TRNT1: variants seen among roughly 807,000 people sequenced by gnomAD.
The protein encoded by TRNT1 is tRNA nucleotidyl transferase 1.
In TRNT1, 44 loss-of-function variants were observed where a neutral mutation model predicts 45.6. The ratio of observed to expected loss-of-function variants is 0.97; its 90% CI spans 0.76 to 1.24. The LOEUF (loss-of-function observed/expected upper bound fraction) is 1.24. Among genes scored for constraint, TRNT1 ranks in the 50% most tolerant of loss-of-function variants. The pLI is 0.00. For missense variants in TRNT1, 633 were observed against 504.4 expected, an observed-to-expected ratio of 1.25 and a Z score of -2.44; for synonymous variants, 201 against 171.4, an observed-to-expected ratio of 1.17 and a Z score of -1.35.
rs184909343 is a variant in TRNT1 at position 3,133,008 on chromosome 3, T to A, written c.148+3820T>A. The stretch of plus-strand genomic sequence containing the variant: ...TGCCCTGGTAAAATGTAATGTTCTG[T>A]ATAAAATCAAAATGTACAAAAACAC... On this transcript the variant is annotated intron_variant, in intron 2 of 7. Coordinates refer to ENST00000251607, the MANE Select transcript of TRNT1 (RefSeq NM_182916.3). Among the ~76,000 whole-genome samples the A allele has an allele frequency of 6.1e-4, 93 of 152,306 alleles. 2 individuals carry two copies. In the East Asian group the frequency reaches 0.017, roughly 28 times the overall value.
intron 4 of TRNT1, among the ~76,000 whole-genome samples, chr3:3,143,113 G>GT (rs1705759492): frequency 6.6e-6 from 1 of 152,180 alleles, no homozygotes. Context: ...ACAGAGTGAA[G>GT]TATCTCATAG....
In TRNT1 at chr3:3,147,503, G is replaced by A; in HGVS notation, c.856G>A (p.Asp286Asn). 1 of 1,613,822 alleles carries A rather than the reference G, an allele frequency of 6.2e-7. No homozygotes were observed. ...ATTTGACAAAGTCAGTAAAAATGTT[G>A]ATGGTTTTTCACCAAAGCCAGTGAC... ...EEFDKVSKNV[D>N]GFSPKPVTLL... The change falls in exon 7 of 8, where the codon GAT becomes AAT. Residue 286 changes from aspartate (D) to asparagine (N), a missense_variant. Physicochemically the swap from Asp to Asn is conservative, Grantham distance 23. Transcript: ENST00000251607.
downstream of TRNT1, chr3:3,153,154 AGATT>A (rs1575080228): frequency 2.4e-6 from 1 of 415,226 alleles, no homozygotes; most frequent in Admixed American, 3.9e-5. Flanking sequence ...TCTAATATAT[AGATT>A]GTCAACAAGA....
rs116332959 is a variant in TRNT1, at chr3:3,142,623, C to G, written c.482-1961C>G. Among the ~76,000 whole-genome samples, 494 of 152,226 alleles carry G rather than the reference C, an allele frequency of 3.2e-3. 1 individual carries two copies. Among genetic ancestry groups the G allele is most frequent in the African/African-American group, 0.011 (460 of 41,544 alleles). ...TTTTCTATCCTGGCTTTTTCCAAGC[C>G]TTATTGGATCAAGCATTCATAGTTC... On this transcript the variant is annotated intron_variant, in intron 4 of 7. Coordinates refer to ENST00000251607, the MANE Select transcript of TRNT1 (RefSeq NM_182916.3).
At position 3,146,606 on chromosome 3, in the gene TRNT1, A is replaced by G; in HGVS notation, c.785A>G (p.Asp262Gly). ...NHLIHLIYDLDVAPYIGLPAN... is the reference protein window; with the variant it reads ...NHLIHLIYDLGVAPYIGLPAN... ...TTGATTCACCTTATCTATGATCTTG[A>G]TGTGGCTCCTTATATAGGTGAGAGC... is the stretch of plus-strand genomic sequence containing the variant. Residue 262 changes from aspartate to glycine, a missense_variant, in exon 6 of 8, where the codon GAT becomes GGT. Transcript: ENST00000251607. 6.2e-7 allele frequency: 1 copy of G among 1,612,060 alleles called. No homozygotes were observed. Among genetic ancestry groups the G allele is most frequent in the East Asian group, 2.2e-5 (1 of 44,780 alleles).
chr3:3,134,603 TAAGTTC>T (rs1705212046), intron 2 of TRNT1, among the ~76,000 whole-genome samples: 1 of 152,200 alleles, frequency 6.6e-6, no homozygotes, highest in South Asian at 2.1e-4. Context: ...CTGTTTATAG[TAAGTTC>T]AAGTGAACGT....
At chr3:3,151,028 G>C (rs1706503430), downstream of TRNT1, 1 of 1,613,796 alleles carries the variant, frequency 6.2e-7, no homozygotes, top group Non-Finnish European at 8.5e-7. Context: ...CTTACACTGG[G>C]CAACAGTCCA....
intron 2 of TRNT1, 55 bp downstream of exon 2, chr3:3,129,243 G>GA (rs1270551531): frequency 6.8e-7 from 1 of 1,471,640 alleles, no homozygotes; most frequent in African/African-American, 1.4e-5. Context: ...TGGAGAAGTA[G>GA]AGGGTTAACT....
downstream of TRNT1, chr3:3,151,001 A>G (rs753401262): frequency 1.5e-5 from 25 of 1,613,850 alleles, no homozygotes; most frequent in East Asian, 4.5e-5. Flanking sequence ...CTTCCATCCA[A>G]TATGGCTTGC....
chr3:3,141,980 G>A (rs1705683965), intron 4 of TRNT1, among the ~76,000 whole-genome samples: 1 of 152,188 alleles, frequency 6.6e-6, no homozygotes, highest in Non-Finnish European at 1.5e-5. Context: ...ACTTGAGACT[G>A]AGAGATATTA....
intron 5 of TRNT1, 199 bp downstream of exon 5, chr3:3,144,909 CACATATACT>C (rs1162562617): frequency 1.5e-5 from 5 of 333,084 alleles, no homozygotes; most frequent in Non-Finnish European, 2.6e-5. Context: ...TCCCAGAACG[CACATATACT>C]TTATGTCATC....
intron 2 of TRNT1, chr3:3,130,143 A>G (rs1256679462): frequency 2.4e-5 from 15 of 615,364 alleles, no homozygotes; most frequent in South Asian, 4.0e-5. Context: ...GAATTTTAAT[A>G]GCACCTTCAT....
At chr3:3,151,016 A>ATCTT (rs1220689235), downstream of TRNT1, 2 of 1,613,706 alleles carry the variant, frequency 1.2e-6, no homozygotes, top group East Asian at 2.2e-5. Context: ...GCTTGCACAG[A>ATCTT]TCTTACACTG....
chr3:3,151,000 A>T (rs763710763), downstream of TRNT1: 1 of 1,613,874 alleles, frequency 6.2e-7, no homozygotes, highest in Admixed American at 1.7e-5. Context: ...ACTTCCATCC[A>T]ATATGGCTTG....
At chr3:3,143,781 C>T (rs967229706) in intron 4 of TRNT1, among the ~76,000 whole-genome samples, 91 of 152,148 alleles carry the variant, frequency 6.0e-4, no homozygotes, top group African/African-American at 2.2e-3. Context: ...GGAGAATCAC[C>T]TGAACCTGGG....
In TRNT1 at chr3:3,147,455, C is replaced by T. The variant is rs776704386; in HGVS notation, c.808C>T (p.Pro270Ser). The T allele has an allele frequency of 2.5e-6, 4 of 1,612,880 alleles. No individual in the cohort carries two copies. The highest frequency in any genetic ancestry group is 1.7e-5 in the Admixed American group (1 of 59,968). ...DLDVAPYIGLPANASLEEFDK... is the reference protein window; with the variant it reads ...DLDVAPYIGLSANASLEEFDK... ...AAATGCTTTTGTCCCTACAGGTTTACCTGCTAATGCAAGTTTAGAAGAATT... is the reference window on the plus strand; with the variant it reads ...AAATGCTTTTGTCCCTACAGGTTTATCTGCTAATGCAAGTTTAGAAGAATT... Residue 270 changes from proline to serine, a missense_variant, in exon 7 of 8, where the codon CCT becomes TCT. By Grantham distance (74) the Pro-to-Ser change is moderately conservative (BLOSUM62 -1). Coordinates refer to ENST00000251607, the MANE Select transcript of TRNT1 (RefSeq NM_182916.3).
intron 3 of TRNT1, among the ~76,000 whole-genome samples, chr3:3,137,785 CCTT>C (rs1022080700): frequency 3.9e-5 from 6 of 152,180 alleles, no homozygotes; most frequent in South Asian, 2.1e-4. Flanking sequence ...GTATAATTCT[CCTT>C]CTTCTGTCTT....
chr3:3,128,451 T>C (rs1704744762), intron 1 of TRNT1, among the ~76,000 whole-genome samples: 1 of 151,998 alleles, frequency 6.6e-6, no homozygotes, highest in Non-Finnish European at 1.5e-5. Context: ...TATAAAAAAT[T>C]AGCCGGATGT....
downstream of TRNT1, among the ~76,000 whole-genome samples, chr3:3,152,048 A>G (rs1473708301): frequency 6.6e-6 from 1 of 152,238 alleles, no homozygotes; most frequent in Non-Finnish European, 1.5e-5. Context: ...TCTGAGGACA[A>G]CTGCAGTTGT....
Sources: gnomAD v4.1 joint callset for allele counts (sites outside exome capture counted in the v4.1 genomes callset) on GRCh38, gnomAD v4.1.1 for gene constraint, MANE v1.5 for transcripts, NCBI Gene and HGNC (gene_info 2026-07-23, HGNC 2026-07-21) for gene names.